GATAD2A: variants seen among roughly 807,000 people sequenced by gnomAD.
GATAD2A encodes the protein GATA zinc finger domain containing 2A, also known as transcriptional repressor p66-alpha.
GATAD2A carries 12 observed loss-of-function variants against 68.5 expected under a neutral mutation model. That is an observed-to-expected ratio of 0.18 (90% CI 0.11 to 0.28). The LOEUF is 0.28. Among genes scored for constraint, GATAD2A ranks in the 10% least tolerant of loss-of-function variants. GATAD2A has a pLI of 1.00. For synonymous variants in GATAD2A, 410 were observed against 375.3 expected (o/e 1.09, Z -1.07); for missense variants, 755 against 868.5 (o/e 0.87, Z 1.64).
At chr19:19,419,302 C>T (rs769943444) in intron 1 of GATAD2A, among the ~76,000 whole-genome samples, 1 of 152,086 alleles carries the variant, frequency 6.6e-6, no homozygotes, top group East Asian at 1.9e-4. Context: ...TAGTATTTGT[C>T]GATCCTTCCA....
chr19:19,452,885 ACCTTGT>A (rs1381418167), intron 1 of GATAD2A, among the ~76,000 whole-genome samples: 2 of 152,004 alleles, frequency 1.3e-5, no homozygotes, highest in Admixed American at 6.5e-5. Flanking sequence ...CTGGGTGTGG[ACCTTGT>A]CCTCCTGTGC....
chr19:19,501,901 TC>T, intron 9 of GATAD2A, 67 bp from the exon 10 acceptor site: 1 of 1,229,534 alleles, frequency 8.1e-7, no homozygotes, highest in Non-Finnish European at 1.2e-6. Context: ...CCTGTGGGGC[TC>T]ACCCTCGGTC....
intron 1 of GATAD2A, among the ~76,000 whole-genome samples, chr19:19,407,192 TTGAC>T (rs2050379204): frequency 6.6e-6 from 1 of 152,268 alleles, no homozygotes; most frequent in East Asian, 1.9e-4. Context: ...TGTAGTCCTG[TTGAC>T]TGACTTAACT....
chr19:19,413,785 A>T (rs2051253189), intron 1 of GATAD2A, among the ~76,000 whole-genome samples: 1 of 152,046 alleles, frequency 6.6e-6, no homozygotes, highest in African/African-American at 2.4e-5. Flanking sequence ...GGGTTTCGTC[A>T]TGTTGGTCAG....
chr19:19,464,293 C>G (rs529459857), intron 1 of GATAD2A, among the ~76,000 whole-genome samples: 1 of 152,376 alleles, frequency 6.6e-6, no homozygotes, highest in African/African-American at 2.4e-5. Flanking sequence ...TAGAGCTCAG[C>G]TGCTAAATTT....
At position 19,465,394 on chromosome 19, in the gene GATAD2A, C is replaced by T. The variant is rs1196989680; in HGVS notation, c.49C>T (p.Arg17Trp). 3.7e-6 allele frequency: 6 copies of T among 1,613,896 alleles called. No homozygotes were observed. Among genetic ancestry groups the T allele is most frequent in the East Asian group, 2.2e-5 (1 of 44,884 alleles). Residue 17 changes from arginine to tryptophan, a missense_variant, in exon 2 of 12, where the codon CGG (arginine) becomes TGG (tryptophan). Physicochemically the swap from Arg to Trp is moderately radical, Grantham distance 101. Transcript: ENST00000683918. Reference protein sequence around the residue: ...RTRSQKRALERDPTEDDVESK... With the variant: ...RTRSQKRALEWDPTEDDVESK... ...ACGGAGTCAGAAACGAGCGCTTGAA[C>T]GGGACCCAACAGAGGACGATGTGGA...
At chr19:19,425,324 C>A (rs553666929) in intron 1 of GATAD2A, among the ~76,000 whole-genome samples, 11 of 152,206 alleles carry the variant, frequency 7.2e-5, no homozygotes, top group Non-Finnish European at 1.5e-4. Flanking sequence ...TTGGGATCCT[C>A]CCAAATTTTT....
intron 1 of GATAD2A, among the ~76,000 whole-genome samples, chr19:19,430,707 C>G (rs1196348145): frequency 6.6e-6 from 1 of 152,168 alleles, no homozygotes; most frequent in African/African-American, 2.4e-5. Flanking sequence ...GAGACACCAT[C>G]ACTGTACCAG....
At chr19:19,459,181 C>T (rs1179647865) in intron 1 of GATAD2A, among the ~76,000 whole-genome samples, 1 of 152,124 alleles carries the variant, frequency 6.6e-6, no homozygotes. Context: ...TTAATCCTTG[C>T]TTTCTTTGAA....
chr19:19,423,432 G>A (rs2052676146), intron 1 of GATAD2A, among the ~76,000 whole-genome samples: 1 of 152,256 alleles, frequency 6.6e-6, no homozygotes, highest in Non-Finnish European at 1.5e-5. Context: ...GATGGCTGTG[G>A]TGCGTCATCA....
chr19:19,426,399 T>C (rs190460230), intron 1 of GATAD2A, among the ~76,000 whole-genome samples: 1 of 152,346 alleles, frequency 6.6e-6, no homozygotes, highest in Admixed American at 6.5e-5. Flanking sequence ...CGGGAGGTAC[T>C]GTTCTTCTGC....
chr19:19,412,133 C>CT (rs1173605056), intron 1 of GATAD2A, among the ~76,000 whole-genome samples: 2 of 148,764 alleles, frequency 1.3e-5, no homozygotes, highest in East Asian at 2.0e-4. Context: ...TTTTCTCTCT[C>CT]TTTTTTTTTA....
chr19:19,491,496 G>A (rs186709646), intron 2 of GATAD2A, among the ~76,000 whole-genome samples: 2 of 152,300 alleles, frequency 1.3e-5, no homozygotes, highest in East Asian at 1.9e-4. Context: ...TGGGACTTAC[G>A]GAGTGGGCAG....
intron 1 of GATAD2A, among the ~76,000 whole-genome samples, chr19:19,410,077 G>A (rs1724108560): frequency 6.6e-6 from 1 of 152,176 alleles, no homozygotes; most frequent in Admixed American, 6.5e-5. Flanking sequence ...AGTTGCCAGG[G>A]CCCCTTGCAG....
chr19:19,417,014 G>A (rs369195852), intron 1 of GATAD2A, among the ~76,000 whole-genome samples: 8 of 152,166 alleles, frequency 5.3e-5, no homozygotes, highest in African/African-American at 1.7e-4. Flanking sequence ...TGCCTGCCTC[G>A]GCCTCCCAAA....
At chr19:19,453,669 ATT>A (rs201852233) in intron 1 of GATAD2A, among the ~76,000 whole-genome samples, 10 of 143,402 alleles carry the variant, frequency 7.0e-5, no homozygotes, top group African/African-American at 2.4e-4. Context: ...CTATTTTTTA[ATT>A]TTTTTAAAAT....
chr19:19,479,962 TGA>T (rs1355479274), intron 2 of GATAD2A, among the ~76,000 whole-genome samples: 1 of 151,608 alleles, frequency 6.6e-6, no homozygotes, highest in Non-Finnish European at 1.5e-5. Flanking sequence ...CTTAGCCTTG[TGA>T]GTAGCTGGGA....
chr19:19,469,431 CAAA>C (rs56310236), intron 2 of GATAD2A, among the ~76,000 whole-genome samples: 1 of 132,198 alleles, frequency 7.6e-6, no homozygotes, highest in Non-Finnish European at 1.6e-5. Context: ...GACTCCATCT[CAAA>C]AAAAAAGAAA....
intron 1 of GATAD2A, among the ~76,000 whole-genome samples, chr19:19,425,795 CTT>C (rs368042391): frequency 9.1e-5 from 13 of 143,272 alleles, no homozygotes; most frequent in Admixed American, 1.4e-4. Context: ...CTTTTCTTTT[CTT>C]TTTTTTTTTT....
Sources: allele counts gnomAD v4.1 joint callset (sites outside exome capture counted in the v4.1 genomes callset), GRCh38; gene constraint gnomAD v4.1.1; transcripts MANE v1.5; gene names NCBI Gene and HGNC (gene_info 2026-07-23, HGNC 2026-07-21).